The following CHAF1B variants were observed in gnomAD, a reference collection of about 807,000 sequenced individuals.
The protein encoded by CHAF1B is chromatin assembly factor 1 subunit B.
In CHAF1B, 10 loss-of-function variants were observed where a neutral mutation model predicts 60.7. That is an observed-to-expected ratio of 0.16 (90% CI 0.10 to 0.28). The LOEUF (loss-of-function observed/expected upper bound fraction) is 0.28. Ranked by LOEUF, CHAF1B falls within the 10% of genes least tolerant of loss-of-function variation. The pLI, the probability that CHAF1B is intolerant of heterozygous loss-of-function variation, is 1.00. For synonymous variants in CHAF1B, 261 were observed against 266.1 expected (o/e 0.98, Z 0.19); for missense variants, 558 against 708.4 (o/e 0.79, Z 2.41).
intron 4 of CHAF1B, among the ~76,000 whole-genome samples, chr21:36,393,217 G>A (rs1322560402): frequency 1.3e-5 from 2 of 152,058 alleles, no homozygotes; most frequent in Non-Finnish European, 2.9e-5. Context: ...AGCGGGAGAG[G>A]GAGAGGGAGA....
At chr21:36,391,480 A>G (rs2146361535) in intron 3 of CHAF1B, 71 bp from the exon 4 acceptor site, 1 of 910,032 alleles carries the variant, frequency 1.1e-6, no homozygotes, top group East Asian at 2.7e-5. Context: ...AAAAAAAAAA[A>G]TGAAAATAAA....
At chr21:36,396,670 A>G (rs1418467671) in intron 5 of CHAF1B, among the ~76,000 whole-genome samples, 1 of 151,834 alleles carries the variant, frequency 6.6e-6, no homozygotes, top group Non-Finnish European at 1.5e-5. Flanking sequence ...AAAAGAAAAA[A>G]AAAAAGGAAT....
chr21:36,416,401 T>C lies in CHAF1B; in HGVS notation c.*35T>C, dbSNP rs772745921. On this transcript the variant is annotated 3_prime_UTR_variant, in exon 14 of 14. Coordinates refer to ENST00000314103, the MANE Select transcript of CHAF1B (RefSeq NM_005441.3). ...GGCTTCTGCTCGAAGCCTACCAGGC[T>C]CCCGGTGTGTGCAGGGAGACGGTAA... 6.3e-7 allele frequency: 1 copy of C among 1,575,156 alleles called. No individual in the cohort carries two copies. Among genetic ancestry groups the C allele is most frequent in the Non-Finnish European group, 8.7e-7 (1 of 1,149,818 alleles).
At chr21:36,394,411 T>C (rs756128652) in intron 4 of CHAF1B, 136 bp from the exon 5 acceptor site, 15 of 653,366 alleles carry the variant, frequency 2.3e-5, no homozygotes, top group Non-Finnish European at 3.8e-5. Context: ...GATTTTACTG[T>C]GTTAGCCAGG....
At chr21:36,387,230 T>G (rs552495901) in intron 2 of CHAF1B, among the ~76,000 whole-genome samples, 4 of 151,146 alleles carry the variant, frequency 2.6e-5, no homozygotes, top group East Asian at 3.9e-4. Flanking sequence ...TTTTGTTTTT[T>G]TTTTTTTTTT....
Position 36,406,689 on chromosome 21 carries a change from A to G in CHAF1B, c.758-2072A>G, listed in dbSNP as rs1601565986. 5.9e-5 allele frequency among the ~76,000 whole-genome samples: 9 copies of G among 152,190 alleles called. No homozygotes were observed. In the South Asian group the frequency reaches 1.9e-3, roughly 31 times the overall value. The stretch of plus-strand genomic sequence containing the variant: ...GAATGACTAAATCTAGCTAATTAGC[A>G]TAGCATGGTCTCACATAATTAGGAT... On this transcript the variant is annotated intron_variant, in intron 8 of 13. Transcript: ENST00000314103.
intron 8 of CHAF1B, among the ~76,000 whole-genome samples, chr21:36,408,201 G>T (rs548498676): frequency 1.3e-5 from 2 of 152,292 alleles, no homozygotes; most frequent in South Asian, 2.1e-4. Flanking sequence ...AGTACAGCAG[G>T]GGGTGAGTGT....
At position 36,418,074 on chromosome 21, in the gene CHAF1B, G is replaced by A. The variant is rs183844901; in HGVS notation, c.*1708G>A. 3 of 151,842 alleles carry A rather than the reference G, an allele frequency of 2.0e-5. No individual in the cohort carries two copies. The highest frequency in any genetic ancestry group is 4.4e-5 in the Non-Finnish European group (3 of 67,966). The allele number at this position is 151,842 out of a possible 1,614,324, so 9.4% of individuals were successfully genotyped here. Reference sequence around the variant, plus strand: ...CTGTCACCCAGGCTGGAGTGCAGTGGCGCAATCTCCACTCACTGCAACCTC... The same window carrying A: ...CTGTCACCCAGGCTGGAGTGCAGTGACGCAATCTCCACTCACTGCAACCTC... On this transcript the variant is annotated 3_prime_UTR_variant, in exon 14 of 14. Coordinates refer to ENST00000314103, the MANE Select transcript of CHAF1B (RefSeq NM_005441.3).
At chr21:36,400,282 C>T (rs2086176571) in intron 7 of CHAF1B, among the ~76,000 whole-genome samples, 1 of 152,044 alleles carries the variant, frequency 6.6e-6, no homozygotes, top group African/African-American at 2.4e-5. Flanking sequence ...GAGTTTGGGA[C>T]TGGCCTGGCC....
chr21:36,401,872 C>G (rs2086194747), intron 7 of CHAF1B, among the ~76,000 whole-genome samples: 1 of 151,686 alleles, frequency 6.6e-6, no homozygotes, highest in African/African-American at 2.4e-5. Flanking sequence ...TCCCGAGAAG[C>G]TGGGATTACA....
chr21:36,387,844 G>A, intron 3 of CHAF1B, 114 bp downstream of exon 3: 1 of 1,278,034 alleles, frequency 7.8e-7, no homozygotes, highest in East Asian at 2.3e-5. Context: ...TTGAGATAGA[G>A]TTTCACTCTT....
At position 36,415,351 on chromosome 21, in the gene CHAF1B, G is replaced by A. The variant is rs762817251; in HGVS notation, c.1550G>A (p.Ser517Asn). 2 of 1,612,038 alleles carry A rather than the reference G, an allele frequency of 1.2e-6. No homozygotes were observed. Among genetic ancestry groups the A allele is most frequent in the East Asian group, 2.2e-5 (1 of 44,870 alleles). The change falls in exon 13 of 14, where the codon AGT becomes AAT. Residue 517 changes from serine (S) to asparagine (N), a missense_variant. Transcript: ENST00000314103. ...TDTPPSSVPT[S>N]VISTPSTEEI... ...ACTCCACCAAGTTCTGTACCAACCA[G>A]TGTGATTTCCACCCCTTCTACAGAA... is the stretch of plus-strand genomic sequence containing the variant.
Position 36,402,798 on chromosome 21 carries a change from C to T in CHAF1B, c.704C>T (p.Ser235Phe). 6.2e-7 allele frequency: 1 copy of T among 1,614,062 alleles called. No individual in the cohort carries two copies. Among genetic ancestry groups the T allele is most frequent in the Non-Finnish European group, 8.5e-7 (1 of 1,179,976 alleles). The part of the protein sequence containing the change: ...YRMFHDDSMK[S>F]FFRRLSFTPD... Reference sequence around the variant, plus strand: ...ATGTTTCACGACGACAGCATGAAGTCTTTCTTCCGTAGACTGAGTTTCACT... The same window carrying T: ...ATGTTTCACGACGACAGCATGAAGTTTTTCTTCCGTAGACTGAGTTTCACT... Residue 235 changes from serine to phenylalanine, a missense_variant, in exon 8 of 14, where the codon TCT becomes TTT. Transcript: ENST00000314103.
intron 13 of CHAF1B, among the ~76,000 whole-genome samples, chr21:36,416,034 G>A (rs1173190584): frequency 2.6e-5 from 4 of 152,050 alleles, no homozygotes; most frequent in Admixed American, 6.6e-5. Context: ...GATTACAGGC[G>A]TGAGCCACCG....
At chr21:36,411,627 G>T in intron 11 of CHAF1B, 23 bp downstream of exon 11, 1 of 1,613,540 alleles carries the variant, frequency 6.2e-7, no homozygotes, top group Non-Finnish European at 8.5e-7. Flanking sequence ...TAATGAGGGA[G>T]AGTGAGTGAA....
intron 5 of CHAF1B, among the ~76,000 whole-genome samples, chr21:36,396,190 G>A (rs2086135924): frequency 6.6e-6 from 1 of 151,062 alleles, no homozygotes; most frequent in Non-Finnish European, 1.5e-5. Context: ...AGAAGAGATG[G>A]GGTTTGCCCA....
intron 3 of CHAF1B, among the ~76,000 whole-genome samples, chr21:36,389,810 C>A (rs990260269): frequency 7.2e-6 from 1 of 138,872 alleles, no homozygotes; most frequent in African/African-American, 2.9e-5. Flanking sequence ...TGCGCGCGCA[C>A]GCTGATTTGT....
intron 8 of CHAF1B, among the ~76,000 whole-genome samples, chr21:36,407,620 C>G (rs1434167881): frequency 6.6e-6 from 1 of 152,070 alleles, no homozygotes; most frequent in Non-Finnish European, 1.5e-5. Flanking sequence ...AGGAAATATA[C>G]AGATGACATA....
intron 3 of CHAF1B, among the ~76,000 whole-genome samples, chr21:36,390,333 CAAA>C (rs1555911920): frequency 7.3e-5 from 6 of 81,894 alleles, no homozygotes; most frequent in Non-Finnish European, 5.6e-5. Context: ...AACACCATCT[CAAA>C]AAAAAAAAAA....
Sources: allele counts gnomAD v4.1 joint callset (sites outside exome capture counted in the v4.1 genomes callset), GRCh38; gene constraint gnomAD v4.1.1; transcripts MANE v1.5; gene names NCBI Gene and HGNC (gene_info 2026-07-23, HGNC 2026-07-21).